CTNNA3: variants seen among roughly 807,000 people sequenced by gnomAD.
CTNNA3 encodes the protein catenin alpha-3.
A neutral mutation model predicts 95.7 loss-of-function variants in CTNNA3; 76 were observed. The ratio of observed to expected loss-of-function variants is 0.79; its 90% CI spans 0.66 to 0.96. The LOEUF (loss-of-function observed/expected upper bound fraction) is 0.96, where lower values mean the gene tolerates loss of function less well. Among genes scored for constraint, CTNNA3 ranks in the 40% least tolerant of loss-of-function variants. CTNNA3 has a pLI of 0.00. For synonymous variants in CTNNA3, 431 were observed against 374.4 expected (o/e 1.15, Z -1.74); for missense variants, 1,191 against 1,089.8 (o/e 1.09, Z -1.31).
intron 7 of CTNNA3, among the ~76,000 whole-genome samples, chr10:66,820,115 A>C (rs1390185018): frequency 2.0e-5 from 3 of 152,184 alleles, no homozygotes; most frequent in African/African-American, 7.2e-5. Context: ...GAGTGAATTA[A>C]AAATTACAGC....
intron 11 of CTNNA3, among the ~76,000 whole-genome samples, chr10:66,453,683 C>T (rs1028303534): frequency 6.6e-6 from 1 of 152,144 alleles, no homozygotes; most frequent in Non-Finnish European, 1.5e-5. Context: ...AATAACACAG[C>T]AAATGCTTTA....
intron 1 of CTNNA3, among the ~76,000 whole-genome samples, chr10:67,711,692 C>T (rs1354088174): frequency 1.3e-5 from 2 of 151,102 alleles, no homozygotes; most frequent in African/African-American, 2.4e-5. Context: ...ACTAACTCGT[C>T]ATCTAGCATT....
chr10:67,552,369 C>T (rs1287751398), intron 3 of CTNNA3, among the ~76,000 whole-genome samples: 1 of 151,658 alleles, frequency 6.6e-6, no homozygotes, highest in Non-Finnish European at 1.5e-5. Flanking sequence ...TTTTTTTCTT[C>T]AACTTTTAAG....
rs2092429641 is a variant in CTNNA3 at position 66,339,367 on chromosome 10, T to C, written c.1732+39785A>G. Among the ~76,000 whole-genome samples, 3 of 151,882 alleles carry C rather than the reference T, an allele frequency of 2.0e-5. No individual in the cohort carries two copies. The South Asian group carries it at 6.2e-4, about 31-fold the overall frequency. The stretch of plus-strand genomic sequence containing the variant: ...TTTTGTGAATATCTAAATCAAACTT[T>C]AATTTCTATATTATAAACATAAAAG... On this transcript the variant is annotated intron_variant, in intron 12 of 17. Coordinates refer to ENST00000433211, the MANE Select transcript of CTNNA3 (RefSeq NM_013266.4).
intron 15 of CTNNA3, among the ~76,000 whole-genome samples, chr10:66,000,287 T>G (rs1423722779): frequency 6.7e-6 from 1 of 149,814 alleles, no homozygotes; most frequent in African/African-American, 2.4e-5. Context: ...TGACCTCATC[T>G]CATTTCTGGC....
At chr10:66,813,604 G>A (rs1841965970) in intron 7 of CTNNA3, among the ~76,000 whole-genome samples, 4 of 152,160 alleles carry the variant, frequency 2.6e-5, no homozygotes, top group Admixed American at 1.3e-4. Context: ...CTGGTCATTC[G>A]TTAATTAAAA....
intron 7 of CTNNA3, among the ~76,000 whole-genome samples, chr10:66,878,646 C>G (rs1321182238): frequency 6.6e-6 from 1 of 152,070 alleles, no homozygotes; most frequent in East Asian, 1.9e-4. Flanking sequence ...TGGTCAAGGT[C>G]GTCACATCAC....
intron 10 of CTNNA3, among the ~76,000 whole-genome samples, chr10:66,610,468 C>T (rs1259600550): frequency 6.6e-6 from 1 of 151,918 alleles, no homozygotes; most frequent in Non-Finnish European, 1.5e-5. Flanking sequence ...TTTATTTAGA[C>T]ATGTTGGGGA....
At chr10:66,380,525 T>C (rs973168811) in intron 11 of CTNNA3, among the ~76,000 whole-genome samples, 1 of 151,698 alleles carries the variant, frequency 6.6e-6, no homozygotes. Flanking sequence ...GGAGGATTGA[T>C]TGAGCCCAGG....
intron 11 of CTNNA3, among the ~76,000 whole-genome samples, chr10:66,404,132 G>A (rs2093039824): frequency 6.6e-6 from 1 of 151,914 alleles, no homozygotes. Flanking sequence ...CATGACTCTT[G>A]AATTTACTGG....
intron 7 of CTNNA3, among the ~76,000 whole-genome samples, chr10:67,014,610 T>C (rs1852543571): frequency 6.6e-6 from 1 of 152,116 alleles, no homozygotes. Context: ...CTTTAGTAGC[T>C]AATGGAAAAA....
intron 10 of CTNNA3, among the ~76,000 whole-genome samples, chr10:66,526,596 G>A (rs1262749788): frequency 6.6e-6 from 1 of 152,022 alleles, no homozygotes; most frequent in Non-Finnish European, 1.5e-5. Flanking sequence ...TTCATATCCT[G>A]GCCAAAACTT....
At chr10:67,522,447 G>A (rs986381107) in intron 4 of CTNNA3, among the ~76,000 whole-genome samples, 1 of 152,052 alleles carries the variant, frequency 6.6e-6, no homozygotes, top group Admixed American at 6.6e-5. Flanking sequence ...TATCTATGCA[G>A]AATAGGTCAC....
At chr10:66,309,959 T>G (rs542722062) in intron 12 of CTNNA3, among the ~76,000 whole-genome samples, 13 of 140,216 alleles carry the variant, frequency 9.3e-5, no homozygotes, top group Admixed American at 7.1e-4. Flanking sequence ...ATAAATAAAA[T>G]AAAAATAAAA....
chr10:66,360,910 T>C, intron 12 of CTNNA3, among the ~76,000 whole-genome samples: 1 of 126,312 alleles, frequency 7.9e-6, no homozygotes, highest in Admixed American at 8.6e-5. Context: ...TCTCTCTCTC[T>C]CTCTCTTTCT....
At chr10:67,425,247 G>T (rs1318539993) in intron 5 of CTNNA3, among the ~76,000 whole-genome samples, 2 of 152,058 alleles carry the variant, frequency 1.3e-5, no homozygotes, top group African/African-American at 4.8e-5. Flanking sequence ...CCATGTAGGT[G>T]CTAGACATAC....
intron 1 of CTNNA3, among the ~76,000 whole-genome samples, chr10:67,761,875 C>CAA (rs56264829): frequency 0.019 from 2,511 of 132,594 alleles, 82 homozygotes; most frequent in African/African-American, 0.064. Context: ...AAGACTCCGT[C>CAA]AAAAAAAAAA....
chr10:66,086,035 C>G (rs2080969940), intron 14 of CTNNA3, among the ~76,000 whole-genome samples: 1 of 152,070 alleles, frequency 6.6e-6, no homozygotes. Flanking sequence ...GAACACACAC[C>G]AACATTAAAT....
At chr10:67,428,964 A>C (rs1846013360) in intron 5 of CTNNA3, among the ~76,000 whole-genome samples, 1 of 151,952 alleles carries the variant, frequency 6.6e-6, no homozygotes, top group African/African-American at 2.4e-5. Context: ...ATGCCCATTT[A>C]TATATATCCT....
Sources: allele counts gnomAD v4.1 joint callset (sites outside exome capture counted in the v4.1 genomes callset), GRCh38; gene constraint gnomAD v4.1.1; transcripts MANE v1.5; gene names NCBI Gene and HGNC (gene_info 2026-07-23, HGNC 2026-07-21).